Variants in ZNF559 observed in about 807,000 individuals in gnomAD.
ZNF559 encodes the protein zinc finger protein 559, also known as putative protein product of Nbla00121.
In ZNF559, 17 loss-of-function variants were observed where a neutral mutation model predicts 14.2. That is an observed-to-expected ratio of 1.20 (90% confidence interval 0.82 to 1.80). ZNF559 has a LOEUF of 1.80. Ranked by LOEUF, ZNF559 falls within the 40% of genes most tolerant of loss-of-function variation. The probability of loss-of-function intolerance (pLI) is 0.00; values close to 1 mark genes in which losing one functional copy is unlikely to be tolerated. For synonymous variants in ZNF559, 244 were observed against 212.4 expected, an observed-to-expected ratio of 1.15 and a Z score of -1.29; for missense variants, 740 against 629.7, an observed-to-expected ratio of 1.18 and a Z score of -1.88.
At chr19:9,336,619 T>G (rs139907604) in intron 2 of ZNF559, among the ~76,000 whole-genome samples, 3 of 151,964 alleles carry the variant, frequency 2.0e-5, no homozygotes, top group African/African-American at 4.8e-5. Context: ...AAAAAACTTA[T>G]GTGTTTATTA....
chr19:9,325,145 T>C (rs1406196741), intron 2 of ZNF559, among the ~76,000 whole-genome samples: 2 of 152,132 alleles, frequency 1.3e-5, no homozygotes, highest in African/African-American at 2.4e-5. Context: ...CAGTTACTCA[T>C]TTGAAAGTCT....
intron 2 of ZNF559, among the ~76,000 whole-genome samples, chr19:9,333,965 T>G (rs1357744244): frequency 7.4e-6 from 1 of 134,572 alleles, no homozygotes; most frequent in African/African-American, 3.0e-5. Context: ...TATATCAGAA[T>G]GGCTAAATCC....
chr19:9,338,608 A>G (rs369897929), intron 4 of ZNF559, 26 bp downstream of exon 4: 20 of 1,538,318 alleles, frequency 1.3e-5, no homozygotes, highest in Non-Finnish European at 1.8e-5. Flanking sequence ...CTTTTTCTGT[A>G]GAAGCATATG....
intron 2 of ZNF559, among the ~76,000 whole-genome samples, chr19:9,331,994 A>G (rs1023818070): frequency 7.2e-5 from 11 of 152,340 alleles, no homozygotes; most frequent in Non-Finnish European, 1.2e-4. Flanking sequence ...TGTTTTCCAA[A>G]ATCACTTAGA....
chr19:9,335,122 C>T (rs1209030356), intron 2 of ZNF559, among the ~76,000 whole-genome samples: 18 of 125,140 alleles, frequency 1.4e-4, no homozygotes, highest in Non-Finnish European at 9.9e-5. Context: ...GGTGACAGAG[C>T]GAGACTCTGT....
At position 9,345,030 on chromosome 19, in the gene ZNF559, ACT is replaced by A. The variant is rs1241641788; in HGVS notation, c.*1966_*1967del. On this transcript the variant is annotated 3_prime_UTR_variant, in exon 7 of 7. Coordinates refer to ENST00000603380, the MANE Select transcript of ZNF559 (RefSeq NM_032497.3). ...TTCTCCTCACCCTTCCCTGCCTGTC[ACT>A]CTCCTGATCCACTGATTTGCTTTCT... 1 of 151,992 alleles carries A rather than the reference ACT, an allele frequency of 6.6e-6. No homozygotes were observed. Among genetic ancestry groups the A allele is most frequent in the Non-Finnish European group, 1.5e-5 (1 of 68,024 alleles). 9.4% of individuals were successfully genotyped at this position (151,992 alleles called of 1,614,324 possible).
rs534987661 is a variant in ZNF559, at chr19:9,339,055, G to A, written c.34-138G>A. 90 of 1,152,068 alleles carry A rather than the reference G, an allele frequency of 7.8e-5. No individual in the cohort carries two copies. In the African/African-American group the frequency reaches 1.3e-3, roughly 16 times the overall value. 71.4% of individuals were successfully genotyped at this position (1,152,068 alleles called of 1,614,324 possible). A position where few individuals can be genotyped will look rare whatever the true frequency, so the allele number is the denominator to read the frequency against. On this transcript the variant is annotated intron_variant, in intron 4 of 6. Coordinates refer to ENST00000603380, the MANE Select transcript of ZNF559 (RefSeq NM_032497.3). Reference sequence around the variant, plus strand: ...TCACCGGTGAATATGTACAGACAGGGGAGAAGAAAGTGAGGACCATCAAGT... The same window carrying A: ...TCACCGGTGAATATGTACAGACAGGAGAGAAGAAAGTGAGGACCATCAAGT...
intron 2 of ZNF559, among the ~76,000 whole-genome samples, chr19:9,327,742 T>G (rs1276024131): frequency 9.4e-6 from 1 of 106,230 alleles, no homozygotes; most frequent in African/African-American, 4.3e-5. Flanking sequence ...ATGTCACAAC[T>G]TATTCTAATT....
In ZNF559 at chr19:9,341,835, C is replaced by T. The variant is rs1380060752; in HGVS notation, c.384C>T (p.Phe128=). 1 of 1,610,672 alleles carries T rather than the reference C, an allele frequency of 6.2e-7. No individual in the cohort carries two copies. The highest frequency in any genetic ancestry group is 8.5e-7 in the Non-Finnish European group (1 of 1,179,184). The change falls in exon 7 of 7, where the codon TTC becomes TTT. Residue 128 remains phenylalanine, a synonymous_variant. Transcript: ENST00000603380. ...TCECNQCEKA[F]RKPSIFTLHK... Reference sequence around the variant, plus strand: ...AGTGTAATCAATGTGAAAAAGCCTTCAGAAAACCCTCTATCTTTACTTTAC... The same window carrying T: ...AGTGTAATCAATGTGAAAAAGCCTTTAGAAAACCCTCTATCTTTACTTTAC...
intron 1 of ZNF559, 95 bp downstream of exon 1, chr19:9,324,323 C>G (rs1194901409): frequency 6.5e-6 from 10 of 1,531,704 alleles, no homozygotes; most frequent in Non-Finnish European, 7.9e-6. Context: ...TGAAATGGAG[C>G]CTGTCCCGTG....
At chr19:9,340,472 C>G (rs1312529239) in intron 5 of ZNF559, among the ~76,000 whole-genome samples, 2 of 150,534 alleles carry the variant, frequency 1.3e-5, no homozygotes, top group East Asian at 3.9e-4. Context: ...GTATCCATTT[C>G]CTTTCAACTT....
Position 9,342,102 on chromosome 19 carries a change from G to A in ZNF559, c.651G>A (p.Glu217=). The change falls in exon 7 of 7, where the codon GAG becomes GAA. Residue 217 remains glutamate, a synonymous_variant. Coordinates refer to ENST00000603380, the MANE Select transcript of ZNF559 (RefSeq NM_032497.3). ...YGGERPYTHK[E]YVETFSHSTA... The stretch of plus-strand genomic sequence containing the variant: ...GAGAGAGACCATATACTCATAAGGA[G>A]TATGTCGAAACCTTTTCTCATTCTA... The A allele has an allele frequency of 6.2e-7, 1 of 1,613,478 alleles. No individual in the cohort carries two copies. Among genetic ancestry groups the A allele is most frequent in the Non-Finnish European group, 8.5e-7 (1 of 1,179,844 alleles).
rs1414151068 is a variant in ZNF559 at position 9,344,736 on chromosome 19, T to C, written c.*1668T>C. 6.6e-6 allele frequency: 1 copy of C among 152,252 alleles called. No individual in the cohort carries two copies. Among genetic ancestry groups the C allele is most frequent in the African/African-American group, 2.4e-5 (1 of 41,466 alleles). The allele number at this position is 152,252 out of a possible 1,614,324, so 9.4% of individuals were successfully genotyped here. The stretch of plus-strand genomic sequence containing the variant: ...TATATGTCTTTAAAGACTAATGATA[T>C]TGAACATCACTTTCATATGCTTATG... On this transcript the variant is annotated 3_prime_UTR_variant, in exon 7 of 7. Transcript: ENST00000603380.
rs1568367086 is a variant in ZNF559, at chr19:9,341,131, T to G, written c.190T>G (p.Ser64Ala). The change falls in exon 6 of 7, where the codon TCA becomes GCA. Residue 64 changes from serine to alanine, a missense_variant. Physicochemically the swap from Ser to Ala is moderately conservative, Grantham distance 99. Transcript: ENST00000603380. ...GGAGAGTCATATTAATACCAAATGG[T>G]CAGCACCTCAGCAGAATTTTTTGCA... Reference protein sequence around the residue: ...DWESHINTKWSAPQQNFLQGK... With the variant: ...DWESHINTKWAAPQQNFLQGK... The G allele has an allele frequency of 6.2e-7, 1 of 1,613,590 alleles. No homozygotes were observed. The highest frequency in any genetic ancestry group is 1.7e-4 in the Middle Eastern group (1 of 6,054).
intron 2 of ZNF559, among the ~76,000 whole-genome samples, chr19:9,330,965 G>T (rs941420822): frequency 6.6e-6 from 1 of 152,178 alleles, no homozygotes; most frequent in African/African-American, 2.4e-5. Flanking sequence ...TCATCCATTA[G>T]CAGTGCTCCA....
chr19:9,325,630 A>C (rs1035650013), intron 2 of ZNF559, among the ~76,000 whole-genome samples: 11 of 151,996 alleles, frequency 7.2e-5, no homozygotes, highest in African/African-American at 2.7e-4. Flanking sequence ...GTCTTTACTC[A>C]AAATACAAAA....
intron 2 of ZNF559, among the ~76,000 whole-genome samples, chr19:9,336,987 AG>A (rs1215523155): frequency 6.6e-6 from 1 of 152,210 alleles, no homozygotes; most frequent in Non-Finnish European, 1.5e-5. Context: ...GAATCTGCAA[AG>A]GGAAAAGATG....
In ZNF559 at chr19:9,324,239, GT is replaced by G; in HGVS notation, c.-206+14del. The G allele has an allele frequency of 6.5e-7, 1 of 1,536,116 alleles. No individual in the cohort carries two copies. Among genetic ancestry groups the G allele is most frequent in the Non-Finnish European group, 8.7e-7 (1 of 1,146,900 alleles). ...CCGTTGGCGTCTGAGGTAAGTTTTTGTTTCTGGGCGGCGTTCGGTGGTGTCC... is the reference window on the plus strand; with the variant it reads ...CCGTTGGCGTCTGAGGTAAGTTTTTGTTCTGGGCGGCGTTCGGTGGTGTCC... On this transcript the variant is annotated intron_variant, in intron 1 of 6. Coordinates refer to ENST00000603380, the MANE Select transcript of ZNF559 (RefSeq NM_032497.3).
intron 2 of ZNF559, among the ~76,000 whole-genome samples, chr19:9,332,603 G>A (rs1483020095): frequency 2.0e-5 from 3 of 152,142 alleles, no homozygotes; most frequent in African/African-American, 7.2e-5. Context: ...ATTAGGTGAA[G>A]GCTTGGTGAA....
Sources: gnomAD v4.1 joint callset for allele counts (sites outside exome capture counted in the v4.1 genomes callset) on GRCh38, gnomAD v4.1.1 for gene constraint, MANE v1.5 for transcripts, NCBI Gene and HGNC (gene_info 2026-07-23, HGNC 2026-07-21) for gene names.